The following TPSG1 variants were observed in gnomAD, a reference collection of about 807,000 sequenced individuals.
The protein encoded by TPSG1 is tryptase gamma.
TPSG1 carries 43 observed loss-of-function variants against 23.8 expected under a neutral mutation model. The ratio of observed to expected loss-of-function variants is 1.81; its 90% CI spans 1.42 to 2.33. The LOEUF is 2.33. Ranked by LOEUF, TPSG1 falls within the 30% of genes most tolerant of loss-of-function variation. The probability of loss-of-function intolerance (pLI) is 0.00; values close to 1 mark genes in which losing one functional copy is unlikely to be tolerated. For missense variants in TPSG1, 623 were observed against 438.6 expected, an observed-to-expected ratio of 1.42 and a Z score of -3.75; for synonymous variants, 302 against 201.3, an observed-to-expected ratio of 1.50 and a Z score of -4.23.
Position 1,224,623 on chromosome 16 carries a change from A to G in TPSG1, c.52T>C (p.Ser18Pro), listed in dbSNP as rs780317781. The change falls in exon 2 of 6, where the codon TCC (serine) becomes CCC (proline). Residue 18 changes from serine to proline, a missense_variant. Transcript: ENST00000234798. ...GTACCTGGCTGCAAAGTCCTGAGGG[A>G]CACACCTGTGGGAAAGACGAAGGGC... is the stretch of plus-strand genomic sequence containing the variant. ...LLLLLAVPGVSLRTLQPGCGR... is the reference protein window; with the variant it reads ...LLLLLAVPGVPLRTLQPGCGR... The G allele has an allele frequency of 4.3e-6, 7 of 1,613,670 alleles. No homozygotes were observed. The South Asian group carries it at 4.4e-5, about 10-fold the overall frequency.
chr16:1,224,510 T>C lies in TPSG1; in HGVS notation c.73+92A>G, dbSNP rs111353707. The C allele has an allele frequency of 2.6e-3, 3,998 of 1,544,718 alleles. 86 individuals carry two copies. In the African/African-American group the frequency reaches 0.046, roughly 18 times the overall value. Reference sequence around the variant, plus strand: ...AAACTATGACCTCCCCGGGCCCCCATTGGGACCCCAGGGAAGGAGAGGGTC... The same window carrying C: ...AAACTATGACCTCCCCGGGCCCCCACTGGGACCCCAGGGAAGGAGAGGGTC... On this transcript the variant is annotated intron_variant, in intron 2 of 5. Transcript: ENST00000234798.
At chr16:1,222,631 A>T (rs760189753) in intron 4 of TPSG1, 21 bp downstream of exon 4, 1 of 1,524,332 alleles carries the variant, frequency 6.6e-7, no homozygotes, top group Non-Finnish European at 8.8e-7. Flanking sequence ...CCATCCCAGC[A>T]TCCCCACGGG....
At chr16:1,224,542 G>A in intron 2 of TPSG1, 60 bp downstream of exon 2, 1 of 1,606,682 alleles carries the variant, frequency 6.2e-7, no homozygotes, top group South Asian at 1.1e-5. Context: ...GGTCACCGAG[G>A]CCCTCCTGCC....
At position 1,222,890 on chromosome 16, in the gene TPSG1, C is replaced by A. The variant is rs1264838376; in HGVS notation, c.273G>T (p.Val91=). The A allele has an allele frequency of 1.2e-6, 2 of 1,608,472 alleles. No homozygotes were observed. The highest frequency in any genetic ancestry group is 2.2e-5 in the South Asian group (2 of 90,260). ...GAGTGATCTCCAGTTCCCCCAGGTG[C>A]ACCTGGTAGTCGGATGAGTTCAGGG... ...SGSLNSSDYQ[V]HLGELEITLS... is the part of the protein sequence containing the mutation. Residue 91 remains valine, a synonymous_variant, in exon 4 of 6, where the codon GTG becomes GTT. Transcript: ENST00000234798.
chr16:1,221,711 A>G lies in TPSG1; in HGVS notation c.*77T>C, dbSNP rs1970491921. 2.2e-6 allele frequency: 3 copies of G among 1,357,762 alleles called. No individual in the cohort carries two copies. In the South Asian group the frequency reaches 4.4e-5, roughly 20 times the overall value. 84.1% of individuals were successfully genotyped at this position (1,357,762 alleles called of 1,614,324 possible). ...TGCAATAATCTGATGCAGAAGACTCAGCTTCTCAAGGGAGAGGGAGGGGGC... is the reference window on the plus strand; with the variant it reads ...TGCAATAATCTGATGCAGAAGACTCGGCTTCTCAAGGGAGAGGGAGGGGGC... On this transcript the variant is annotated 3_prime_UTR_variant, in exon 6 of 6. Transcript: ENST00000234798.
rs201268351 is a variant in TPSG1, at chr16:1,225,171, G to C, written c.46+36C>G. 5.6e-4 allele frequency: 863 copies of C among 1,553,436 alleles called. 14 individuals carry two copies. The Admixed American group carries it at 0.015, about 27-fold the overall frequency. ...TCAGGGGTCCAGGCAGGAAGCAGAT[G>C]CCCCCCCATCCCCACACCCAGGCCA... On this transcript the variant is annotated intron_variant, in intron 1 of 5. Transcript: ENST00000234798.
Position 1,221,891 on chromosome 16 carries a change from AAGCC to A in TPSG1, c.859_862del (p.Gly287SerfsTer10), listed in dbSNP as rs760386115. ...CAGAAGGAAGAGGCCGGGGAGGAAG[AAGCC>A]AGCCAGGAGGGGGAGCCTGGGGTAC... On this transcript the variant is annotated frameshift_variant, in exon 6 of 6. Transcript: ENST00000234798. LOFTEE classifies it low-confidence loss of function (END_TRUNC). 1 of 1,611,568 alleles carries A rather than the reference AAGCC, an allele frequency of 6.2e-7. No homozygotes were observed. The highest frequency in any genetic ancestry group is 1.3e-5 in the African/African-American group (1 of 75,022).
intron 2 of TPSG1, 101 bp downstream of exon 2, chr16:1,224,501 G>C (rs562804326): frequency 3.3e-6 from 5 of 1,495,260 alleles, no homozygotes; most frequent in East Asian, 4.6e-5. Context: ...TGACCTCCCC[G>C]GGCCCCCATT....
chr16:1,224,990 C>G (rs1255762562), intron 1 of TPSG1, among the ~76,000 whole-genome samples: 1 of 152,122 alleles, frequency 6.6e-6, no homozygotes. Flanking sequence ...CTCCTGCACC[C>G]CCAACTCCCA....
chr16:1,225,142 C>T (rs2141424934), intron 1 of TPSG1, 65 bp downstream of exon 1: 1 of 1,532,158 alleles, frequency 6.5e-7, no homozygotes, highest in Non-Finnish European at 8.8e-7. Context: ...CAGTTTCACC[C>T]CCATCAGGGG....
intron 1 of TPSG1, chr16:1,224,910 G>C (rs531476452): frequency 1.7e-6 from 1 of 593,880 alleles, no homozygotes; most frequent in Admixed American, 3.0e-5. Flanking sequence ...AATCACCAGT[G>C]TTCTAGGGCC....
rs1468315233 is a variant in TPSG1, at chr16:1,222,037, AG to A, written c.716del (p.Thr239MetfsTer2). 1.6e-5 allele frequency: 26 copies of A among 1,612,624 alleles called. No individual in the cohort carries two copies. Among genetic ancestry groups the A allele is most frequent in the Non-Finnish European group, 1.9e-5 (22 of 1,179,982 alleles). On this transcript the variant is annotated frameshift_variant, in exon 6 of 6. Transcript: ENST00000234798. LOFTEE classifies it low-confidence loss of function (END_TRUNC). ...QVNGAWVQAG[T>X]VSWGEGCGRP... is the part of the protein sequence containing the mutation. ...GGCCGCAGCCCTCACCCCAGCTCAC[AG>A]TGCCAGCCTGCACCCAGGCACCGTT...
chr16:1,222,668 G>A lies in TPSG1; in HGVS notation c.495C>T (p.Gly165=), dbSNP rs1348069220. The A allele has an allele frequency of 1.3e-6, 2 of 1,570,580 alleles. No individual in the cohort carries two copies. Among genetic ancestry groups the A allele is most frequent in the Admixed American group, 1.7e-5 (1 of 58,000 alleles). ...PGIRCWVTGW[G]YTREGEPLPP... ...GCTCCTCACCTCCCTCCCGCGTATA[G>A]CCCCAGCCGGTCACCCAGCACCGGA... The change falls in exon 4 of 6, where the codon GGC becomes GGT. Residue 165 remains glycine, a synonymous_variant. Coordinates refer to ENST00000234798, the MANE Select transcript of TPSG1 (RefSeq NM_012467.4).
At chr16:1,223,330 G>A (rs1326605255) in intron 3 of TPSG1, 93 bp downstream of exon 3, 1 of 1,402,666 alleles carries the variant, frequency 7.1e-7, no homozygotes, top group African/African-American at 1.5e-5. Context: ...CCAAGCCTCG[G>A]AGTGAGTCAA....
At chr16:1,224,925 A>C in intron 1 of TPSG1, 1 of 586,660 alleles carries the variant, frequency 1.7e-6, no homozygotes, top group South Asian at 2.1e-5. Context: ...AGGGCCTGGG[A>C]CTCCTGGCAC....
rs148436894 is a variant in TPSG1 at position 1,221,882 on chromosome 16, G to A, written c.872C>T (p.Pro291Leu). The A allele has an allele frequency of 5.0e-6, 8 of 1,611,808 alleles. No homozygotes were observed. The African/African-American group carries it at 8.0e-5, about 16-fold the overall frequency. Residue 291 changes from proline to leucine, a missense_variant, in exon 6 of 6, where the codon CCC becomes CTC. Physicochemically the swap from Pro to Leu is moderately conservative, Grantham distance 98 (BLOSUM62 -3). Transcript: ENST00000234798. ...GGAGACTAGCAGAAGGAAGAGGCCGGGGAGGAAGAAGCCAGCCAGGAGGGG... is the reference window on the plus strand; with the variant it reads ...GGAGACTAGCAGAAGGAAGAGGCCGAGGAGGAAGAAGCCAGCCAGGAGGGG... ...RLPLLAGFFL[P>L]GLFLLLVSCV...
intron 3 of TPSG1, 21 bp downstream of exon 3, chr16:1,223,402 C>T (rs1185753609): frequency 2.6e-6 from 4 of 1,562,532 alleles, no homozygotes; most frequent in Admixed American, 1.9e-5. Context: ...TGAGACTGCC[C>T]CTGCCCACCC....
chr16:1,223,938 T>G, intron 2 of TPSG1: 3 of 311,648 alleles, frequency 9.6e-6, no homozygotes, highest in Non-Finnish European at 1.2e-5. Context: ...TGGGGGTGGC[T>G]GCCTAGTGGG....
chr16:1,223,478 C>T lies in TPSG1; in HGVS notation c.190G>A (p.Gly64Ser), dbSNP rs367842001. The change falls in exon 3 of 6, where the codon GGC becomes AGC. Residue 64 changes from glycine (G) to serine (S), a missense_variant. Gly to Ser is a moderately conservative substitution (Grantham distance 56, BLOSUM62 0). Transcript: ENST00000234798. ...SLRLRRVHVC[G>S]GSLLSPQWVL... ...CACTGGGGGCTGAGCAGTGACCCGC[C>T]GCACACGTGCACCCTCCGCAGGCGG... is the stretch of plus-strand genomic sequence containing the variant. 3.7e-5 allele frequency: 58 copies of T among 1,585,318 alleles called. No homozygotes were observed. Among genetic ancestry groups the T allele is most frequent in the Middle Eastern group, 3.8e-4 (2 of 5,218 alleles).
Sources: allele counts gnomAD v4.1 joint callset (sites outside exome capture counted in the v4.1 genomes callset), GRCh38; gene constraint gnomAD v4.1.1; transcripts MANE v1.5; gene names NCBI Gene and HGNC (gene_info 2026-07-23, HGNC 2026-07-21).